MOB1B: variants seen among roughly 807,000 people sequenced by gnomAD.
MOB1B encodes the protein MOB1 Mps One Binder homolog B.
MOB1B carries 19 observed loss-of-function variants against 24.4 expected under a neutral mutation model. The ratio of observed to expected loss-of-function variants is 0.78; its 90% CI spans 0.54 to 1.14. The LOEUF is 1.14. Ranked by LOEUF, MOB1B falls within the 50% of genes most tolerant of loss-of-function variation. MOB1B has a pLI of 0.00. For synonymous variants in MOB1B, 76 were observed against 82.1 expected, an observed-to-expected ratio of 0.93 and a Z score of 0.40; for missense variants, 243 against 259.6, an observed-to-expected ratio of 0.94 and a Z score of 0.44.
intron 1 of MOB1B, among the ~76,000 whole-genome samples, chr4:70,908,275 GC>G (rs1338595061): frequency 6.7e-6 from 1 of 148,952 alleles, no homozygotes; most frequent in Non-Finnish European, 1.5e-5. Context: ...TGATCCGCCT[GC>G]CTCGGCCTCC....
At chr4:70,933,275 C>T (rs1040371753) in intron 1 of MOB1B, among the ~76,000 whole-genome samples, 1 of 152,094 alleles carries the variant, frequency 6.6e-6, no homozygotes, top group South Asian at 2.1e-4. Flanking sequence ...TCCCACCACG[C>T]CCCTCCTCCA....
intron 1 of MOB1B, among the ~76,000 whole-genome samples, chr4:70,921,797 G>A (rs1338354620): frequency 6.6e-6 from 1 of 152,032 alleles, no homozygotes; most frequent in Admixed American, 6.6e-5. Flanking sequence ...GTGAGCCACC[G>A]TGCCTGGCCC....
chr4:70,909,367 G>T (rs992902387), intron 1 of MOB1B, among the ~76,000 whole-genome samples: 2 of 151,996 alleles, frequency 1.3e-5, no homozygotes, highest in African/African-American at 4.8e-5. Flanking sequence ...AATAGGCCAG[G>T]TGTGGTAGCT....
At chr4:70,939,797 CAG>C (rs1346450398) in intron 1 of MOB1B, among the ~76,000 whole-genome samples, 1 of 152,204 alleles carries the variant, frequency 6.6e-6, no homozygotes, top group Non-Finnish European at 1.5e-5. Flanking sequence ...CTAACAAGGA[CAG>C]AGAGTTTTTT....
At chr4:70,905,943 T>C (rs1293761163) in intron 1 of MOB1B, among the ~76,000 whole-genome samples, 1 of 152,004 alleles carries the variant, frequency 6.6e-6, no homozygotes, top group Non-Finnish European at 1.5e-5. Flanking sequence ...GGTGTGAGCC[T>C]GTAGTCCCAG....
chr4:70,963,394 G>A (rs1484329630), intron 2 of MOB1B, among the ~76,000 whole-genome samples: 3 of 151,974 alleles, frequency 2.0e-5, no homozygotes, highest in East Asian at 1.9e-4. Context: ...TAATAAAAAC[G>A]TAAGGAGAGA....
chr4:70,902,573 C>G, intron 1 of MOB1B, 23 bp downstream of exon 1: 8 of 1,548,268 alleles, frequency 5.2e-6, no homozygotes, highest in Non-Finnish European at 6.1e-6. Context: ...GCCCCGCACG[C>G]GCCGGCTTTG....
In MOB1B at chr4:70,950,826, G is replaced by A. The variant is rs1407247464; in HGVS notation, c.15-8048G>A. On this transcript the variant is annotated intron_variant, in intron 1 of 5. Transcript: ENST00000309395. ...GTGAATGAAAGGTTAGTACCTAGAG[G>A]CGGAGCAGAGAGAACTAATAGTAGT... is the stretch of plus-strand genomic sequence containing the variant. The A allele has an allele frequency of 2.2e-6, 3 of 1,368,980 alleles. No homozygotes were observed. In the East Asian group the frequency reaches 7.5e-5, roughly 34 times the overall value. The allele number at this position is 1,368,980 out of a possible 1,614,324, so 84.8% of individuals were successfully genotyped here. A position where few individuals can be genotyped will look rare whatever the true frequency, so the allele number is the denominator to read the frequency against.
chr4:70,928,517 G>A (rs1293302443), intron 1 of MOB1B, among the ~76,000 whole-genome samples: 1 of 151,900 alleles, frequency 6.6e-6, no homozygotes, highest in Non-Finnish European at 1.5e-5. Flanking sequence ...GGCTGGTCTC[G>A]AACTCTTGAC....
At chr4:70,965,979 C>A (rs28810142) in intron 2 of MOB1B, among the ~76,000 whole-genome samples, 2 of 151,842 alleles carry the variant, frequency 1.3e-5, no homozygotes, top group African/African-American at 4.8e-5. Flanking sequence ...AAACTGTAAT[C>A]TATTTAAAAA....
intron 1 of MOB1B, among the ~76,000 whole-genome samples, chr4:70,939,464 C>T (rs1435986288): frequency 1.3e-5 from 2 of 152,174 alleles, no homozygotes; most frequent in African/African-American, 4.8e-5. Context: ...GGGCGGATCA[C>T]CTGAGGTCAG....
At chr4:70,952,162 C>G (rs1450940171) in intron 1 of MOB1B, among the ~76,000 whole-genome samples, 1 of 151,910 alleles carries the variant, frequency 6.6e-6, no homozygotes, top group Non-Finnish European at 1.5e-5. Context: ...TAGCAGATGA[C>G]TGGAGGAAAC....
At chr4:70,908,244 G>T (rs1222294902) in intron 1 of MOB1B, among the ~76,000 whole-genome samples, 1 of 149,924 alleles carries the variant, frequency 6.7e-6, no homozygotes, top group African/African-American at 2.4e-5. Context: ...TAGTCAGGAT[G>T]GTTTCAATCT....
Position 70,981,059 on chromosome 4 carries a change from A to T in MOB1B, c.574-921A>T, listed in dbSNP as rs143473160. On this transcript the variant is annotated intron_variant, in intron 5 of 5. Coordinates refer to ENST00000309395, the MANE Select transcript of MOB1B (RefSeq NM_173468.4). Reference sequence around the variant, plus strand: ...CTGTTCTCCTGGTCGCTGTGAAAGTATATTTGTTAAGGTAGGAGGATAGAG... The same window carrying T: ...CTGTTCTCCTGGTCGCTGTGAAAGTTTATTTGTTAAGGTAGGAGGATAGAG... Among the ~76,000 whole-genome samples, 430 of 152,312 alleles carry T rather than the reference A, an allele frequency of 2.8e-3. 3 individuals are homozygous for T. The highest frequency in any genetic ancestry group is 0.01 in the African/African-American group (421 of 41,564).
chr4:70,937,301 T>C (rs1486706296), intron 1 of MOB1B, among the ~76,000 whole-genome samples: 4 of 152,016 alleles, frequency 2.6e-5, no homozygotes, highest in Admixed American at 2.6e-4. Context: ...TAAGGTCTTA[T>C]CTTTGTAACT....
At chr4:70,950,957 C>G in intron 1 of MOB1B, 1 of 600,824 alleles carries the variant, frequency 1.7e-6, no homozygotes, top group Admixed American at 2.3e-5. Flanking sequence ...GACCCTGGTT[C>G]TGTCATTTAG....
chr4:70,937,065 C>T (rs1737113715), intron 1 of MOB1B, among the ~76,000 whole-genome samples: 1 of 151,798 alleles, frequency 6.6e-6, no homozygotes, highest in African/African-American at 2.4e-5. Flanking sequence ...TTACAGGCGC[C>T]CACCACCACG....
At chr4:70,981,806 A>T (rs1739221581) in intron 5 of MOB1B, among the ~76,000 whole-genome samples, 174 bp from the exon 6 acceptor site, 1 of 152,246 alleles carries the variant, frequency 6.6e-6, no homozygotes, top group African/African-American at 2.4e-5. Flanking sequence ...GCATAACATC[A>T]GGAGTGCTTA....
rs778052944 is a variant in MOB1B at position 70,917,554 on chromosome 4, C to CA, written c.14+15006dup. 2.6e-5 allele frequency among the ~76,000 whole-genome samples: 4 copies of CA among 152,136 alleles called. No individual in the cohort carries two copies. In the East Asian group the frequency reaches 7.7e-4, roughly 29 times the overall value. On this transcript the variant is annotated intron_variant, in intron 1 of 5. Transcript: ENST00000309395. ...GTTGTGAGATTATGAACCCAAAGTT[C>CA]AAGGTCCCGAAGTTTTGTTGTAGTG... is the stretch of plus-strand genomic sequence containing the variant.
Sources: allele counts gnomAD v4.1 joint callset (sites outside exome capture counted in the v4.1 genomes callset), GRCh38; gene constraint gnomAD v4.1.1; transcripts MANE v1.5; gene names NCBI Gene and HGNC (gene_info 2026-07-23, HGNC 2026-07-21).